Variants in C1GALT1 observed in about 807,000 individuals in gnomAD.
The protein encoded by C1GALT1 is core 1 synthase, glycoprotein-N-acetylgalactosamine 3-beta-galactosyltransferase 1.
A neutral mutation model predicts 31.0 loss-of-function variants in C1GALT1; 11 were observed. The observed-to-expected ratio is 0.36, with a 90% CI of 0.22 to 0.59. The LOEUF (loss-of-function observed/expected upper bound fraction) is 0.59. C1GALT1 is among the 20% of genes least tolerant of loss of function. C1GALT1 has a pLI of 0.79. For synonymous variants in C1GALT1, 175 were observed against 143.6 expected (o/e 1.22, Z -1.56); for missense variants, 424 against 425.2 (o/e 1.00, Z 0.03).
At chr7:7,172,016 C>T (rs1780458793) in intron 2 of C1GALT1, among the ~76,000 whole-genome samples, 1 of 152,072 alleles carries the variant, frequency 6.6e-6, no homozygotes. Flanking sequence ...TTAAATAGTA[C>T]TTGTTCTTAT....
At chr7:7,221,656 A>G (rs945794114) in intron 1 of C1GALT1, among the ~76,000 whole-genome samples, 2 of 152,204 alleles carry the variant, frequency 1.3e-5, no homozygotes, top group African/African-American at 4.8e-5. Context: ...ATATTGCTCA[A>G]CCTCTTAGGA....
intron 1 of C1GALT1, among the ~76,000 whole-genome samples, chr7:7,224,485 A>C (rs1441208018): frequency 6.6e-6 from 1 of 151,972 alleles, no homozygotes; most frequent in Non-Finnish European, 1.5e-5. Context: ...GGGTGAGGGG[A>C]GTTTTAAAAT....
upstream of C1GALT1, among the ~76,000 whole-genome samples, chr7:7,179,908 A>G (rs1222685500): frequency 1.3e-5 from 2 of 151,724 alleles, no homozygotes; most frequent in South Asian, 2.1e-4. Flanking sequence ...GGCTAAAGCG[A>G]TATTTCTTCC....
chr7:7,162,777 G>C (rs1406746395), intron 2 of C1GALT1, among the ~76,000 whole-genome samples: 8 of 152,146 alleles, frequency 5.3e-5, no homozygotes, highest in African/African-American at 1.9e-4. Flanking sequence ...TCCGGAACCT[G>C]TTGTTTCCTG....
At chr7:7,198,988 C>A (rs910714892) in intron 1 of C1GALT1, among the ~76,000 whole-genome samples, 2 of 152,104 alleles carry the variant, frequency 1.3e-5, no homozygotes, top group Non-Finnish European at 1.5e-5. Context: ...AAAACCAGCT[C>A]CTGGATTCAC....
At chr7:7,161,156 A>G (rs558334741) in intron 2 of C1GALT1, among the ~76,000 whole-genome samples, 67 of 152,282 alleles carry the variant, frequency 4.4e-4, no homozygotes, top group Non-Finnish European at 8.2e-4. Context: ...CTACTTGTCA[A>G]GAGGACTTGG....
chr7:7,179,255 C>T (rs1002243815), upstream of C1GALT1, among the ~76,000 whole-genome samples: 1 of 152,212 alleles, frequency 6.6e-6, no homozygotes, highest in African/African-American at 2.4e-5. Flanking sequence ...ATCATTTCCA[C>T]TACATTCTAT....
chr7:7,240,526 C>A (rs1319711661), intron 3 of C1GALT1, among the ~76,000 whole-genome samples: 3 of 151,996 alleles, frequency 2.0e-5, no homozygotes, highest in African/African-American at 7.3e-5. Flanking sequence ...TATCCTTTTC[C>A]CATATAAAAA....
At chr7:7,183,226 C>T (rs531604156) in intron 1 of C1GALT1, among the ~76,000 whole-genome samples, 1 of 152,048 alleles carries the variant, frequency 6.6e-6, no homozygotes, top group East Asian at 2.0e-4. Context: ...GTCCCTCCTC[C>T]CGGGCCCTCC....
intron 2 of C1GALT1, among the ~76,000 whole-genome samples, chr7:7,170,811 TTAATA>T (rs557898338): frequency 8.7e-4 from 133 of 152,192 alleles, no homozygotes; most frequent in Non-Finnish European, 1.6e-3. Flanking sequence ...ATCTTATGTT[TTAATA>T]TGTGTGTTTT....
At chr7:7,162,803 C>T (rs899959922) in intron 2 of C1GALT1, among the ~76,000 whole-genome samples, 6 of 152,126 alleles carry the variant, frequency 3.9e-5, no homozygotes, top group African/African-American at 1.4e-4. Context: ...TTAATGATTG[C>T]CATTCTAACT....
intron 3 of C1GALT1, among the ~76,000 whole-genome samples, chr7:7,243,301 G>T (rs1389855632): frequency 2.0e-5 from 3 of 152,108 alleles, no homozygotes; most frequent in Admixed American, 6.5e-5. Context: ...ACTTTCCACA[G>T]TTTCACTTGG....
chr7:7,179,935 G>C (rs543169397), upstream of C1GALT1, among the ~76,000 whole-genome samples: 72 of 151,660 alleles, frequency 4.7e-4, no homozygotes, highest in African/African-American at 1.6e-3. Flanking sequence ...CTTTCCTTGA[G>C]TCTCCTCTAC....
At chr7:7,198,530 A>G (rs1173810900) in intron 1 of C1GALT1, among the ~76,000 whole-genome samples, 1 of 152,218 alleles carries the variant, frequency 6.6e-6, no homozygotes, top group Non-Finnish European at 1.5e-5. Flanking sequence ...CTTTGGTATC[A>G]GGATGATGCT....
chr7:7,211,459 T>G (rs1583787966), intron 1 of C1GALT1, among the ~76,000 whole-genome samples: 2 of 152,210 alleles, frequency 1.3e-5, no homozygotes, highest in East Asian at 3.9e-4. Context: ...TCATGCTTCC[T>G]TGTCAGTAAC....
intron 1 of C1GALT1, among the ~76,000 whole-genome samples, chr7:7,208,734 T>G (rs148419498): frequency 1.8e-4 from 28 of 152,190 alleles, no homozygotes; most frequent in African/African-American, 6.7e-4. Flanking sequence ...CCATTCCTGA[T>G]ATTTGGAGGA....
rs1783833500 is a variant in C1GALT1, at chr7:7,246,131, G to C, written c.*2404G>C. The C allele has an allele frequency of 1.3e-5, 2 of 152,152 alleles. No individual in the cohort carries two copies. Among genetic ancestry groups the C allele is most frequent in the Non-Finnish European group, 2.9e-5 (2 of 68,036 alleles). 9.4% of individuals were successfully genotyped at this position (152,152 alleles called of 1,614,324 possible). The stretch of plus-strand genomic sequence containing the variant: ...TTTATCCAATGCCAACTGTATGCTA[G>C]GTACTGTGCTTAGATAATCTGTGTA... On this transcript the variant is annotated 3_prime_UTR_variant, in exon 4 of 4. Transcript: ENST00000436587.
intron 2 of C1GALT1, chr7:7,234,896 C>G (rs2128249256): frequency 6.2e-6 from 1 of 160,350 alleles, no homozygotes; most frequent in African/African-American, 2.4e-5. Context: ...TCTTGTTTTC[C>G]TAGAGAAACT....
upstream of C1GALT1, among the ~76,000 whole-genome samples, chr7:7,181,571 A>G (rs887508391): frequency 2.0e-5 from 3 of 152,338 alleles, no homozygotes; most frequent in Admixed American, 2.0e-4. Context: ...ACCTAAGCAA[A>G]TTAAAGGAAA....
Sources: gnomAD v4.1 joint callset for allele counts (sites outside exome capture counted in the v4.1 genomes callset) on GRCh38, gnomAD v4.1.1 for gene constraint, MANE v1.5 for transcripts, NCBI Gene and HGNC (gene_info 2026-07-23, HGNC 2026-07-21) for gene names.